The following TRAPPC9 variants were observed in gnomAD, a reference collection of about 807,000 sequenced individuals.
The protein encoded by TRAPPC9 is IKK2 binding protein.
A neutral mutation model predicts 124.0 loss-of-function variants in TRAPPC9; 83 were observed. The ratio of observed to expected loss-of-function variants is 0.67; its 90% CI spans 0.56 to 0.80. The LOEUF (loss-of-function observed/expected upper bound fraction) is 0.80, where lower values mean the gene tolerates loss of function less well. Ranked by LOEUF, TRAPPC9 falls within the 30% of genes least tolerant of loss-of-function variation. The probability of loss-of-function intolerance (pLI) is 0.00; values close to 1 mark genes in which losing one functional copy is unlikely to be tolerated. For synonymous variants in TRAPPC9, 638 were observed against 617.5 expected, an observed-to-expected ratio of 1.03 and a Z score of -0.49; for missense variants, 1,302 against 1,508.3, an observed-to-expected ratio of 0.86 and a Z score of 2.27.
At chr8:140,144,936 C>T (rs2061435235) in intron 17 of TRAPPC9, among the ~76,000 whole-genome samples, 1 of 151,926 alleles carries the variant, frequency 6.6e-6, no homozygotes, top group Non-Finnish European at 1.5e-5. Flanking sequence ...TGCAGTGGCG[C>T]GATCTCTGCT....
chr8:140,413,642 T>TA (rs1441431359), intron 5 of TRAPPC9, among the ~76,000 whole-genome samples: 8 of 142,200 alleles, frequency 5.6e-5, no homozygotes, highest in East Asian at 2.2e-4. Flanking sequence ...GTATATCTCC[T>TA]AATGCTATCC....
chr8:140,074,106 G>A (rs1017194247), intron 17 of TRAPPC9, among the ~76,000 whole-genome samples: 5 of 152,146 alleles, frequency 3.3e-5, no homozygotes, highest in East Asian at 1.9e-4. Flanking sequence ...TCCCGATCAC[G>A]GACAAAATTC....
intron 21 of TRAPPC9, among the ~76,000 whole-genome samples, chr8:139,804,656 C>T (rs1823895208): frequency 7.5e-6 from 1 of 133,092 alleles, no homozygotes; most frequent in Non-Finnish European, 1.6e-5. Flanking sequence ...CCACCACCCA[C>T]CACCGCCACC....
At chr8:140,217,733 G>C (rs531105124) in intron 17 of TRAPPC9, among the ~76,000 whole-genome samples, 1 of 152,120 alleles carries the variant, frequency 6.6e-6, no homozygotes, top group Non-Finnish European at 1.5e-5. Context: ...ATGCCATGGC[G>C]AGCCAGGCAC....
intron 19 of TRAPPC9, among the ~76,000 whole-genome samples, chr8:139,966,576 G>T (rs984651517): frequency 2.0e-5 from 3 of 152,208 alleles, no homozygotes; most frequent in African/African-American, 7.2e-5. Flanking sequence ...AAATTTGCCT[G>T]TTCCTTAGGG....
chr8:140,385,247 G>A (rs1307897338), intron 7 of TRAPPC9, among the ~76,000 whole-genome samples: 13 of 152,150 alleles, frequency 8.5e-5, no homozygotes, highest in South Asian at 2.1e-4. Flanking sequence ...CCCTAACATC[G>A]TAATTAAAAG....
At chr8:139,780,456 G>C (rs969577512) in intron 21 of TRAPPC9, among the ~76,000 whole-genome samples, 1 of 152,104 alleles carries the variant, frequency 6.6e-6, no homozygotes, top group African/African-American at 2.4e-5. Context: ...AATGGTGCTG[G>C]AACAACTGGA....
chr8:139,900,973 AAAAT>A (rs1554668199), intron 20 of TRAPPC9, among the ~76,000 whole-genome samples: 9 of 118,284 alleles, frequency 7.6e-5, no homozygotes, highest in Non-Finnish European at 1.0e-4. Flanking sequence ...TCATCTCTCA[AAAAT>A]AAATAAATAA....
intron 21 of TRAPPC9, among the ~76,000 whole-genome samples, chr8:139,762,365 C>T (rs369514407): frequency 2.6e-5 from 4 of 152,124 alleles, no homozygotes; most frequent in Non-Finnish European, 2.9e-5. Flanking sequence ...CTTAACACTG[C>T]GGATAGGTTC....
intron 21 of TRAPPC9, among the ~76,000 whole-genome samples, chr8:139,844,939 G>A (rs908824473): frequency 3.3e-5 from 5 of 152,138 alleles, no homozygotes; most frequent in African/African-American, 1.2e-4. Context: ...CCCGTCCCCA[G>A]GCCTGGCACA....
chr8:139,789,211 C>T (rs1822483560), intron 21 of TRAPPC9, among the ~76,000 whole-genome samples: 1 of 152,138 alleles, frequency 6.6e-6, no homozygotes, highest in Admixed American at 6.5e-5. Flanking sequence ...CCACGCCTGC[C>T]TCGGAAGCAC....
Position 140,383,029 on chromosome 8 carries a change from C to T in TRAPPC9, c.1135-11849G>A, listed in dbSNP as rs372962926. ...GCAATATTAGCTGTTCTGCAGCCTC[C>T]GCTGCTGATACCCAGGCAAACAGGG... On this transcript the variant is annotated intron_variant, in intron 7 of 22. Coordinates refer to ENST00000438773, the MANE Select transcript of TRAPPC9 (RefSeq NM_001160372.4). Among the ~76,000 whole-genome samples the T allele has an allele frequency of 2.8e-4, 43 of 152,332 alleles. 1 individual carries two copies. In the South Asian group the frequency reaches 7.7e-3, roughly 27 times the overall value.
chr8:140,061,078 T>G (rs1357748734), intron 17 of TRAPPC9, among the ~76,000 whole-genome samples: 1 of 152,226 alleles, frequency 6.6e-6, no homozygotes, highest in Non-Finnish European at 1.5e-5. Flanking sequence ...GCCTGCACAT[T>G]CTTTTTAATA....
At chr8:139,951,965 G>A (rs924492589) in intron 19 of TRAPPC9, among the ~76,000 whole-genome samples, 3 of 152,108 alleles carry the variant, frequency 2.0e-5, no homozygotes, top group African/African-American at 7.2e-5. Flanking sequence ...AATCATTTGC[G>A]CATCAGGATC....
chr8:140,129,969 T>C (rs1475788597), intron 17 of TRAPPC9, among the ~76,000 whole-genome samples: 1 of 152,138 alleles, frequency 6.6e-6, no homozygotes, highest in African/African-American at 2.4e-5. Flanking sequence ...TTCGGAGGAA[T>C]CAGGGCCCCT....
intron 2 of TRAPPC9, among the ~76,000 whole-genome samples, chr8:140,441,808 A>G (rs1399268330): frequency 6.6e-6 from 1 of 152,050 alleles, no homozygotes; most frequent in Non-Finnish European, 1.5e-5. Context: ...CAAGCAATCC[A>G]CCTGCCTTGG....
chr8:140,271,010 G>A (rs2064861336), intron 15 of TRAPPC9, among the ~76,000 whole-genome samples: 1 of 152,234 alleles, frequency 6.6e-6, no homozygotes, highest in South Asian at 2.1e-4. Context: ...TTACCACAGA[G>A]TTTATTTGAG....
intron 7 of TRAPPC9, among the ~76,000 whole-genome samples, chr8:140,390,480 C>T (rs2068895190): frequency 6.6e-6 from 1 of 152,228 alleles, no homozygotes; most frequent in African/African-American, 2.4e-5. Context: ...ATATGGGGCT[C>T]ATTCTCCAGG....
chr8:140,336,893 C>T (rs1282823693), intron 9 of TRAPPC9, among the ~76,000 whole-genome samples: 1 of 132,360 alleles, frequency 7.6e-6, no homozygotes, highest in Non-Finnish European at 1.6e-5. Flanking sequence ...GTCTTCCAGG[C>T]GATTAACAGG....
Sources: gnomAD v4.1 joint callset for allele counts (sites outside exome capture counted in the v4.1 genomes callset) on GRCh38, gnomAD v4.1.1 for gene constraint, MANE v1.5 for transcripts, NCBI Gene and HGNC (gene_info 2026-07-23, HGNC 2026-07-21) for gene names.